The following DLD variants were observed in gnomAD, a reference collection of about 807,000 sequenced individuals.
DLD encodes the protein dihydrolipoamide dehydrogenase.
In DLD, 36 loss-of-function variants were observed where a neutral mutation model predicts 62.2. That is an observed-to-expected ratio of 0.58 (90% CI 0.44 to 0.76). DLD has a LOEUF of 0.76. Ranked by LOEUF, DLD falls within the 30% of genes least tolerant of loss-of-function variation. DLD has a pLI of 0.00. For synonymous variants in DLD, 204 were observed against 199.6 expected, an observed-to-expected ratio of 1.02 and a Z score of -0.19; for missense variants, 541 against 608.6, an observed-to-expected ratio of 0.89 and a Z score of 1.17.
At chr7:107,896,256 T>C (rs780734156) in intron 2 of DLD, among the ~76,000 whole-genome samples, 8 of 152,144 alleles carry the variant, frequency 5.3e-5, no homozygotes, top group Non-Finnish European at 1.0e-4. Flanking sequence ...TAGGCTAAAA[T>C]GGAGGATGTG....
Position 107,917,446 on chromosome 7 carries a change from A to G in DLD, c.1220A>G (p.Glu407Gly). 6.2e-7 allele frequency: 1 copy of G among 1,614,146 alleles called. No individual in the cohort carries two copies. The highest frequency in any genetic ancestry group is 8.5e-7 in the Non-Finnish European group (1 of 1,180,004). The change falls in exon 11 of 14, where the codon GAG (glutamate) becomes GGG (glycine). Residue 407 changes from glutamate to glycine, a missense_variant. Transcript: ENST00000205402. ...PEVAWVGKSE[E>G]QLKEEGIEYK... ...GTTGCTTGGGTTGGCAAATCAGAAGAGCAGTTGAAAGAAGAGGTAAGTCTG... is the reference window on the plus strand; with the variant it reads ...GTTGCTTGGGTTGGCAAATCAGAAGGGCAGTTGAAAGAAGAGGTAAGTCTG...
intron 8 of DLD, 57 bp from the exon 9 acceptor site, chr7:107,915,449 G>A (rs192707708): frequency 1.4e-5 from 22 of 1,543,794 alleles, no homozygotes; most frequent in Admixed American, 1.7e-5. Context: ...AGATGATTTC[G>A]TAAACATTTG....
intron 5 of DLD, among the ~76,000 whole-genome samples, chr7:107,904,145 T>C (rs1027602995): frequency 2.6e-5 from 4 of 152,208 alleles, no homozygotes; most frequent in Non-Finnish European, 5.9e-5. Flanking sequence ...CCTTCATTTG[T>C]TTCTTTACAG....
At chr7:107,902,101 T>A (rs1327660486) in intron 3 of DLD, among the ~76,000 whole-genome samples, 1 of 151,574 alleles carries the variant, frequency 6.6e-6, no homozygotes, top group African/African-American at 2.4e-5. Flanking sequence ...TATTTGGTAA[T>A]GTTAAGCACA....
chr7:107,910,114 C>G (rs2032104802), intron 8 of DLD, among the ~76,000 whole-genome samples: 2 of 152,094 alleles, frequency 1.3e-5, no homozygotes, highest in South Asian at 4.1e-4. Context: ...CTCGGCCTCC[C>G]AAAGTGCTGG....
intron 2 of DLD, among the ~76,000 whole-genome samples, chr7:107,895,682 CAG>C (rs2031703010): frequency 6.6e-6 from 1 of 152,144 alleles, no homozygotes; most frequent in South Asian, 2.1e-4. Context: ...ATAATTGTGA[CAG>C]GGGTCCATAG....
chr7:107,905,497 G>T lies in DLD; in HGVS notation c.575G>T (p.Gly192Val). Reference sequence around the variant, plus strand: ...GGTTCAGAAGTTACTCCTTTTCCTGGAATCACGGTATTTATGCTTCATAAT... The same window carrying T: ...GGTTCAGAAGTTACTCCTTTTCCTGTAATCACGGTATTTATGCTTCATAAT... ...ATGSEVTPFP[G>V]ITIDEDTIVS... The change falls in exon 7 of 14, where the codon GGA (glycine) becomes GTA (valine). Residue 192 changes from glycine (G) to valine (V), a missense_variant. Physicochemically the swap from Gly to Val is moderately radical, Grantham distance 109. Coordinates refer to ENST00000205402, the MANE Select transcript of DLD (RefSeq NM_000108.5). 6.2e-7 allele frequency: 1 copy of T among 1,613,640 alleles called. No homozygotes were observed. Among genetic ancestry groups the T allele is most frequent in the Non-Finnish European group, 8.5e-7 (1 of 1,179,674 alleles).
At chr7:107,893,717 T>G (rs1256573734) in intron 2 of DLD, among the ~76,000 whole-genome samples, 3 of 151,552 alleles carry the variant, frequency 2.0e-5, no homozygotes, top group Non-Finnish European at 4.4e-5. Flanking sequence ...ACTTAGCTTG[T>G]GAAGTTTAAG....
Position 107,919,301 on chromosome 7 carries a change from GC to G in DLD, c.*43del, listed in dbSNP as rs2032352688. ...TATTTTTTTCTGAAATTTCCTGGGA[GC>G]TTTTGTAGAAGTCACATTCCTGAAC... On this transcript the variant is annotated 3_prime_UTR_variant, in exon 14 of 14. Coordinates refer to ENST00000205402, the MANE Select transcript of DLD (RefSeq NM_000108.5). 6.7e-7 allele frequency: 1 copy of G among 1,502,462 alleles called. No individual in the cohort carries two copies. The highest frequency in any genetic ancestry group is 2.3e-5 in the East Asian group (1 of 44,160). 93.1% of individuals were successfully genotyped at this position (1,502,462 alleles called of 1,614,324 possible).
In DLD at chr7:107,893,312, A is replaced by G. The variant is rs201197036; in HGVS notation, c.118+34A>G. 4.5e-5 allele frequency: 67 copies of G among 1,497,478 alleles called. No homozygotes were observed. The African/African-American group carries it at 8.3e-4, about 18-fold the overall frequency. 92.8% of individuals were successfully genotyped at this position (1,497,478 alleles called of 1,614,324 possible). On this transcript the variant is annotated intron_variant, in intron 2 of 13. Transcript: ENST00000205402. The stretch of plus-strand genomic sequence containing the variant: ...TTAAGTAAAACATTTTTTTCATCAC[A>G]TTAGCTGACAGTTCCTTTCTATTTC...
chr7:107,911,157 C>G (rs1415859019), intron 8 of DLD, among the ~76,000 whole-genome samples: 1 of 152,158 alleles, frequency 6.6e-6, no homozygotes, highest in Non-Finnish European at 1.5e-5. Context: ...CTCCATTTCT[C>G]CCTTTGCTCA....
chr7:107,909,232 C>T (rs1562917137), intron 8 of DLD, among the ~76,000 whole-genome samples: 1 of 152,182 alleles, frequency 6.6e-6, no homozygotes, highest in South Asian at 2.1e-4. Flanking sequence ...TTCACTCATA[C>T]TCATTATTCC....
chr7:107,897,227 G>C (rs2031749436), intron 2 of DLD, among the ~76,000 whole-genome samples: 1 of 152,126 alleles, frequency 6.6e-6, no homozygotes, highest in Non-Finnish European at 1.5e-5. Context: ...ATAAATATTT[G>C]ATTTCATTCT....
At chr7:107,894,077 C>A (rs1390271691) in intron 2 of DLD, among the ~76,000 whole-genome samples, 1 of 152,062 alleles carries the variant, frequency 6.6e-6, no homozygotes, top group Non-Finnish European at 1.5e-5. Flanking sequence ...GGAATTTTCT[C>A]CTGTGTACTT....
At position 107,915,699 on chromosome 7, in the gene DLD, A is replaced by G. The variant is rs2032252600; in HGVS notation, c.875+3A>G. The G allele has an allele frequency of 1.2e-6, 2 of 1,611,858 alleles. No individual in the cohort carries two copies. The highest frequency in any genetic ancestry group is 1.3e-5 in the African/African-American group (1 of 74,868). The stretch of plus-strand genomic sequence containing the variant: ...TCAGATGGAAAAATTGATGTTTCGT[A>G]AGTATACATCATTTGTTTTTGATGT... On this transcript the variant is annotated splice_donor_region_variant and intron_variant, in intron 9 of 13. Coordinates refer to ENST00000205402, the MANE Select transcript of DLD (RefSeq NM_000108.5).
chr7:107,905,610 C>A, intron 7 of DLD, 106 bp downstream of exon 7: 1 of 1,273,806 alleles, frequency 7.9e-7, no homozygotes, highest in South Asian at 1.2e-5. Flanking sequence ...GACTGAAATA[C>A]TATATTTTGA....
At chr7:107,891,740 G>T (rs917485472) in intron 1 of DLD, 11 of 229,610 alleles carry the variant, frequency 4.8e-5, no homozygotes, top group Non-Finnish European at 1.8e-5. Context: ...CTTCTTGAAT[G>T]GTTTAGATCC....
intron 2 of DLD, among the ~76,000 whole-genome samples, chr7:107,900,845 G>A (rs1341950106): frequency 6.6e-6 from 1 of 152,100 alleles, no homozygotes; most frequent in Admixed American, 6.5e-5. Context: ...ACTAGTTGGG[G>A]TTGTCAGGAC....
chr7:107,915,399 A>T, intron 8 of DLD, 107 bp from the exon 9 acceptor site: 1 of 1,201,698 alleles, frequency 8.3e-7, no homozygotes, highest in Middle Eastern at 2.1e-4. Flanking sequence ...TCATAGGAAC[A>T]TACTAGCGAA....
Sources: allele counts gnomAD v4.1 joint callset (sites outside exome capture counted in the v4.1 genomes callset), GRCh38; gene constraint gnomAD v4.1.1; transcripts MANE v1.5; gene names NCBI Gene and HGNC (gene_info 2026-07-23, HGNC 2026-07-21).